The following PVT1 variants were observed in gnomAD, a reference collection of about 807,000 sequenced individuals.
The protein encoded by PVT1 is CXCR4/PVT1 fusion.
In PVT1 at chr8:128,054,787, T is replaced by G. The variant is rs188516450; in HGVS notation, n.913-15373T>G. Among the ~76,000 whole-genome samples the G allele has an allele frequency of 3.5e-4, 53 of 152,306 alleles. No individual in the cohort carries two copies. In the East Asian group the frequency reaches 9.6e-3, roughly 28 times the overall value. ...GACACAGATCACAGAGTGAGAGAAA[T>G]GCCATGTGATGGTTAATTCCATCTG... is the stretch of plus-strand genomic sequence containing the variant. On this transcript the variant is annotated intron_variant and non_coding_transcript_variant, in intron 4 of 10. Transcript: ENST00000651587.
intron 3 of PVT1, among the ~76,000 whole-genome samples, chr8:127,961,315 T>C (rs1162135255): frequency 6.6e-6 from 1 of 152,136 alleles, no homozygotes; most frequent in Admixed American, 6.6e-5. Context: ...GGGCCTGAGC[T>C]GGAGGAGACA....
At chr8:128,077,449 C>T (rs909127627) in intron 5 of PVT1, among the ~76,000 whole-genome samples, 15 of 152,062 alleles carry the variant, frequency 9.9e-5, no homozygotes, top group Admixed American at 6.6e-4. Context: ...AATAGGTGCT[C>T]AATCCACATT....
rs1199097284 is a variant in PVT1 at position 127,997,043 on chromosome 8, CG to C, written n.912+7753del. ...GGAACATTCACTGGTCATTTGCTTT[CG>C]TTTTTTTTTTTTGTTTGTTTGTTTT... is the stretch of plus-strand genomic sequence containing the variant. On this transcript the variant is annotated intron_variant and non_coding_transcript_variant, in intron 4 of 10. Transcript: ENST00000651587. Among the ~76,000 whole-genome samples, 19 of 54,658 alleles carry C rather than the reference CG, an allele frequency of 3.5e-4. 1 individual carries two copies. In the South Asian group the frequency reaches 4.2e-3, roughly 12 times the overall value. The allele number at this position is 54,658 out of a possible 152,430, so 35.9% of individuals were successfully genotyped here.
chr8:128,037,736 C>G (rs1813482429), intron 4 of PVT1, among the ~76,000 whole-genome samples: 1 of 152,160 alleles, frequency 6.6e-6, no homozygotes, highest in South Asian at 2.1e-4. Flanking sequence ...CAGTCTCTGC[C>G]CCTGCCTTCC....
Position 127,985,226 on chromosome 8 carries a change from G to T in PVT1, n.783-3936G>T, listed in dbSNP as rs111612504. Reference sequence around the variant, plus strand: ...TTTTTGTAGTTTTAGCAGAGACAGGGTTTCACCATCTTGGCCAGGCTGGTT... The same window carrying T: ...TTTTTGTAGTTTTAGCAGAGACAGGTTTTCACCATCTTGGCCAGGCTGGTT... On this transcript the variant is annotated intron_variant and non_coding_transcript_variant, in intron 3 of 10. Transcript: ENST00000651587. Among the ~76,000 whole-genome samples the T allele has an allele frequency of 1.1e-3, 168 of 151,602 alleles. 1 individual carries two copies. Among genetic ancestry groups the T allele is most frequent in the Middle Eastern group, 0.01 (3 of 294 alleles).
intron 4 of PVT1, among the ~76,000 whole-genome samples, chr8:128,051,040 G>A (rs1052941158): frequency 1.3e-5 from 2 of 152,308 alleles, no homozygotes; most frequent in Non-Finnish European, 2.9e-5. Context: ...AAGATTCTCA[G>A]CTTGAGCACT....
In PVT1 at chr8:128,073,344, G is replaced by A. The variant is rs560249929; in HGVS notation, n.1114+2983G>A. 5.9e-5 allele frequency among the ~76,000 whole-genome samples: 9 copies of A among 152,070 alleles called. 1 individual carries two copies. In the South Asian group the frequency reaches 1.2e-3, roughly 21 times the overall value. ...ATTGTTTTTTAATTTAACTGACCCC[G>A]TTCTCCCTCCTTTTCTCCCTCCATC... On this transcript the variant is annotated intron_variant and non_coding_transcript_variant, in intron 5 of 10. Transcript: ENST00000651587.
At chr8:127,932,538 C>G (rs879528198) in intron 3 of PVT1, 5 of 398,486 alleles carry the variant, frequency 1.3e-5, no homozygotes, top group Non-Finnish European at 2.2e-5. Context: ...CAACTCCCCA[C>G]GCTGTGGCTG....
intron 3 of PVT1, among the ~76,000 whole-genome samples, chr8:127,949,501 C>T (rs13250390): frequency 0.56 from 83,906 of 149,790 alleles, 25,094 homozygotes; most frequent in Middle Eastern, 0.68. Flanking sequence ...GGAGCTCAGC[C>T]TCCCTTCACT....
chr8:128,058,775 G>A (rs900875094), intron 4 of PVT1, among the ~76,000 whole-genome samples: 3 of 152,290 alleles, frequency 2.0e-5, no homozygotes, highest in Admixed American at 6.5e-5. Context: ...CTTTCAAAAA[G>A]TGGGGACCAG....
intron 3 of PVT1, among the ~76,000 whole-genome samples, chr8:127,974,080 C>T (rs1368429869): frequency 3.9e-5 from 6 of 152,106 alleles, no homozygotes; most frequent in Non-Finnish European, 1.5e-5. Context: ...TTAAATTACA[C>T]AGATTGGGTT....
intron 2 of PVT1, among the ~76,000 whole-genome samples, chr8:127,858,193 C>A (rs903154597): frequency 1.3e-5 from 2 of 152,042 alleles, no homozygotes; most frequent in Non-Finnish European, 2.9e-5. Flanking sequence ...GAGTTTAAGA[C>A]CAGCCGGTCC....
At chr8:128,057,815 T>A (rs1324024385) in intron 4 of PVT1, among the ~76,000 whole-genome samples, 1 of 152,202 alleles carries the variant, frequency 6.6e-6, no homozygotes, top group Non-Finnish European at 1.5e-5. Context: ...TTCCTGAGCC[T>A]TGGCTTATCC....
At chr8:127,925,781 A>G (rs567838878) in intron 3 of PVT1, among the ~76,000 whole-genome samples, 7 of 152,106 alleles carry the variant, frequency 4.6e-5, no homozygotes, top group South Asian at 2.1e-4. Context: ...AGCTGGGACT[A>G]TAGGCATACA....
chr8:127,995,103 A>G (rs1246270500), intron 4 of PVT1, among the ~76,000 whole-genome samples: 1 of 152,218 alleles, frequency 6.6e-6, no homozygotes, highest in Non-Finnish European at 1.5e-5. Flanking sequence ...GGTAACGTGC[A>G]TCTCAGCTCA....
chr8:127,971,770 A>G (rs1232821101), intron 3 of PVT1, among the ~76,000 whole-genome samples: 3 of 152,220 alleles, frequency 2.0e-5, no homozygotes, highest in Non-Finnish European at 4.4e-5. Context: ...GAGCTACTGC[A>G]GGTTGTGTGC....
At chr8:127,897,508 A>G (rs1815694581) in intron 3 of PVT1, among the ~76,000 whole-genome samples, 1 of 150,986 alleles carries the variant, frequency 6.6e-6, no homozygotes, top group Non-Finnish European at 1.5e-5. Context: ...GGAAGGAAGG[A>G]AGGAAGGAAG....
At chr8:127,902,436 T>TC (rs1313403140) in intron 3 of PVT1, among the ~76,000 whole-genome samples, 1 of 152,030 alleles carries the variant, frequency 6.6e-6, no homozygotes, top group African/African-American at 2.4e-5. Context: ...TTTTTTTTTT[T>TC]TTTTCACTTT....
chr8:127,912,348 T>C (rs1815909146), intron 3 of PVT1, among the ~76,000 whole-genome samples: 1 of 152,186 alleles, frequency 6.6e-6, no homozygotes, highest in African/African-American at 2.4e-5. Flanking sequence ...AAGTACTATG[T>C]TTACACACCC....
Sources: allele counts gnomAD v4.1 joint callset (sites outside exome capture counted in the v4.1 genomes callset), GRCh38; gene constraint gnomAD v4.1.1; transcripts MANE v1.5; gene names NCBI Gene and HGNC (gene_info 2026-07-23, HGNC 2026-07-21).